The following DLGAP2 variants were observed in gnomAD, a reference collection of about 807,000 sequenced individuals.
The protein encoded by DLGAP2 is disks large-associated protein 2.
Under a neutral mutation model 100.3 loss-of-function variants are expected in DLGAP2, and 26 were observed. The ratio of observed to expected loss-of-function variants is 0.26; its 90% CI spans 0.19 to 0.36. The LOEUF is 0.36. Ranked by LOEUF, DLGAP2 falls within the 10% of genes least tolerant of loss-of-function variation. The pLI, the probability that DLGAP2 is intolerant of heterozygous loss-of-function variation, is 1.00. For missense variants in DLGAP2, 1,858 were observed against 1,453.2 expected, an observed-to-expected ratio of 1.28 and a Z score of -4.53; for synonymous variants, 886 against 630.1, an observed-to-expected ratio of 1.41 and a Z score of -6.08.
intron 2 of DLGAP2, among the ~76,000 whole-genome samples, chr8:1,043,335 GGGTGGTGGGTGT>G (rs1802425426): frequency 7.0e-6 from 1 of 142,730 alleles, no homozygotes; most frequent in African/African-American, 2.6e-5. Context: ...TGATGGGTGT[GGGTGGTGGGTGT>G]GGGTGGTGGG....
At chr8:1,337,546 A>T (rs1293784485) in intron 3 of DLGAP2, among the ~76,000 whole-genome samples, 1 of 151,452 alleles carries the variant, frequency 6.6e-6, no homozygotes, top group African/African-American at 2.4e-5. Flanking sequence ...GATGATGATG[A>T]TCATAATGGT....
chr8:1,640,115 G>T (rs1441108077), intron 8 of DLGAP2, among the ~76,000 whole-genome samples: 1 of 152,188 alleles, frequency 6.6e-6, no homozygotes, highest in Admixed American at 6.5e-5. Flanking sequence ...ACCGAGCCCA[G>T]TATAAATGGT....
chr8:1,656,795 C>A (rs1347648644), intron 8 of DLGAP2, among the ~76,000 whole-genome samples: 1 of 152,140 alleles, frequency 6.6e-6, no homozygotes, highest in Non-Finnish European at 1.5e-5. Flanking sequence ...TCTTCGTGCC[C>A]CAAGTCATTC....
chr8:1,697,359 C>A, intron 14 of DLGAP2, 60 bp downstream of exon 14: 1 of 1,526,796 alleles, frequency 6.5e-7, no homozygotes, highest in African/African-American at 1.4e-5. Flanking sequence ...GCACTAACGA[C>A]CTGCTGCAGA....
intron 8 of DLGAP2, among the ~76,000 whole-genome samples, chr8:1,640,960 G>A (rs1332038002): frequency 6.6e-6 from 1 of 152,218 alleles, no homozygotes; most frequent in Non-Finnish European, 1.5e-5. Flanking sequence ...TTGGCCCTGG[G>A]GACCGGTAGG....
chr8:919,280 C>T (rs768563152), intron 2 of DLGAP2, among the ~76,000 whole-genome samples: 1 of 152,188 alleles, frequency 6.6e-6, no homozygotes, highest in Non-Finnish European at 1.5e-5. Flanking sequence ...CCGTCCTGTC[C>T]TAGGTGCCCT....
intron 2 of DLGAP2, among the ~76,000 whole-genome samples, chr8:1,240,340 TAA>T (rs1427893581): frequency 2.3e-5 from 3 of 132,038 alleles, no homozygotes; most frequent in South Asian, 2.6e-4. Flanking sequence ...CTCTCACACA[TAA>T]CGTCATGTCT....
At chr8:1,267,608 TAA>T (rs1799488815) in intron 3 of DLGAP2, among the ~76,000 whole-genome samples, 2 of 99,038 alleles carry the variant, frequency 2.0e-5, no homozygotes, top group East Asian at 2.9e-4. Context: ...TAAGATAAGA[TAA>T]GATAAGATAA....
intron 2 of DLGAP2, among the ~76,000 whole-genome samples, chr8:1,058,861 C>T (rs944558865): frequency 3.3e-5 from 5 of 152,222 alleles, no homozygotes; most frequent in South Asian, 2.1e-4. Context: ...GACACCTGTG[C>T]GTGCTCGTTG....
rs906031051 is a variant in DLGAP2 at position 1,569,615 on chromosome 8, C to T, written c.1442+3721C>T. Among the ~76,000 whole-genome samples, 3 of 152,336 alleles carry T rather than the reference C, an allele frequency of 2.0e-5. No homozygotes were observed. The East Asian group carries it at 5.8e-4, about 29-fold the overall frequency. On this transcript the variant is annotated intron_variant, in intron 6 of 14. Coordinates refer to ENST00000637795, the MANE Select transcript of DLGAP2 (RefSeq NM_001346810.2). ...GGATTCCAACGTAATTCATTTATTT[C>T]CATTTTAGATGACATTGCTGAAGCT...
At chr8:1,523,956 C>G (rs965317834) in intron 4 of DLGAP2, among the ~76,000 whole-genome samples, 2 of 152,200 alleles carry the variant, frequency 1.3e-5, no homozygotes, top group Non-Finnish European at 2.9e-5. Context: ...AAACAAACAT[C>G]TGAGGTCCAG....
intron 2 of DLGAP2, among the ~76,000 whole-genome samples, chr8:1,096,667 C>T (rs369862846): frequency 5.7e-5 from 8 of 139,832 alleles, no homozygotes; most frequent in South Asian, 4.7e-4. Flanking sequence ...GCTGGGAGCC[C>T]GGGGCAGGCC....
intron 2 of DLGAP2, among the ~76,000 whole-genome samples, chr8:1,063,571 C>G (rs1364098454): frequency 6.8e-6 from 1 of 147,888 alleles, no homozygotes; most frequent in African/African-American, 2.5e-5. Context: ...AAATATGCAC[C>G]TCTTTAAATG....
At chr8:911,852 T>C (rs1233462398) in intron 2 of DLGAP2, among the ~76,000 whole-genome samples, 1 of 152,246 alleles carries the variant, frequency 6.6e-6, no homozygotes, top group African/African-American at 2.4e-5. Context: ...TGAATCCACA[T>C]TTCCCTGACA....
In DLGAP2 at chr8:1,703,100, A is replaced by G. The variant is rs1168580193; in HGVS notation, c.*1694A>G. ...CCTCATTCCCCACATCCCACTGAGC[A>G]TGGGACCATTGGGAGCAGAGCTGAT... On this transcript the variant is annotated 3_prime_UTR_variant, in exon 15 of 15. Transcript: ENST00000637795. 2 of 152,672 alleles carry G rather than the reference A, an allele frequency of 1.3e-5. No homozygotes were observed. Among genetic ancestry groups the G allele is most frequent in the Non-Finnish European group, 2.9e-5 (2 of 68,050 alleles). The allele number at this position is 152,672 out of a possible 1,614,324, so 9.5% of individuals were successfully genotyped here. A position where few individuals can be genotyped will look rare whatever the true frequency, so the allele number is the denominator to read the frequency against.
At chr8:1,663,837 C>T (rs560333307) in intron 8 of DLGAP2, among the ~76,000 whole-genome samples, 7 of 152,202 alleles carry the variant, frequency 4.6e-5, no homozygotes, top group South Asian at 2.1e-4. Context: ...GAAGAGAGAA[C>T]GGCAGAATGG....
intron 2 of DLGAP2, among the ~76,000 whole-genome samples, chr8:1,115,597 G>T (rs1805091726): frequency 2.0e-5 from 3 of 152,180 alleles, no homozygotes; most frequent in Non-Finnish European, 2.9e-5. Flanking sequence ...TCTAAATACA[G>T]TGGTGGCATC....
chr8:741,776 G>A (rs1585812286), intron 1 of DLGAP2, among the ~76,000 whole-genome samples: 1 of 152,216 alleles, frequency 6.6e-6, no homozygotes, highest in African/African-American at 2.4e-5. Context: ...TCCCGTCAGA[G>A]GTGGCTCCTG....
intron 6 of DLGAP2, among the ~76,000 whole-genome samples, chr8:1,613,403 G>T (rs1307528074): frequency 5.3e-5 from 8 of 151,506 alleles, no homozygotes; most frequent in Admixed American, 2.0e-4. Context: ...GGGGTGGGGG[G>T]AGCGGGGAGG....
Sources: gnomAD v4.1 joint callset for allele counts (sites outside exome capture counted in the v4.1 genomes callset) on GRCh38, gnomAD v4.1.1 for gene constraint, MANE v1.5 for transcripts, NCBI Gene and HGNC (gene_info 2026-07-23, HGNC 2026-07-21) for gene names.